FANK1: variants seen among roughly 807,000 people sequenced by gnomAD.
FANK1 encodes the protein fibronectin type 3 and ankyrin repeat domains protein 1.
Under a neutral mutation model 45.3 loss-of-function variants are expected in FANK1, and 44 were observed. That is an observed-to-expected ratio of 0.97 (90% CI 0.76 to 1.25). FANK1 has a LOEUF of 1.25. Among genes scored for constraint, FANK1 ranks in the 50% most tolerant of loss-of-function variants. The pLI is 0.00. For synonymous variants in FANK1, 149 were observed against 152.5 expected (o/e 0.98, Z 0.17); for missense variants, 391 against 424.4 (o/e 0.92, Z 0.69).
intron 3 of FANK1, among the ~76,000 whole-genome samples, chr10:125,991,650 C>T (rs1257193867): frequency 2.6e-5 from 4 of 151,888 alleles, no homozygotes; most frequent in Non-Finnish European, 5.9e-5. Flanking sequence ...TTTTTTTCCC[C>T]CCAGGTAAAG....
At chr10:125,990,898 G>C (rs939967543) in intron 3 of FANK1, among the ~76,000 whole-genome samples, 6 of 152,168 alleles carry the variant, frequency 3.9e-5, no homozygotes, top group African/African-American at 1.4e-4. Context: ...GCAAGAGAGA[G>C]CATGTGCAGG....
At chr10:125,934,862 C>G (rs1947991412) in intron 1 of FANK1, among the ~76,000 whole-genome samples, 1 of 146,310 alleles carries the variant, frequency 6.8e-6, no homozygotes, top group Non-Finnish European at 1.5e-5. Context: ...ACAACAGTGT[C>G]TTGCTAGAAT....
rs541052253 is a variant in FANK1 at position 125,984,902 on chromosome 10, C to T, written c.192-3649C>T. 5.9e-5 allele frequency among the ~76,000 whole-genome samples: 9 copies of T among 152,314 alleles called. No individual in the cohort carries two copies. The South Asian group carries it at 1.0e-3, about 18-fold the overall frequency. ...CAGCTGTCATGTCTAGGTAAAGTTGCGCTTCTCCATGGGTTCAATGAACTG... is the reference window on the plus strand; with the variant it reads ...CAGCTGTCATGTCTAGGTAAAGTTGTGCTTCTCCATGGGTTCAATGAACTG... On this transcript the variant is annotated intron_variant, in intron 2 of 10. Transcript: ENST00000368693.
chr10:126,005,125 C>A, intron 7 of FANK1, 76 bp downstream of exon 7: 1 of 1,505,078 alleles, frequency 6.6e-7, no homozygotes, highest in South Asian at 1.3e-5. Context: ...CTGGCAGAAG[C>A]AGGGCCTTTG....
At chr10:125,963,256 T>C (rs1950030385) in intron 1 of FANK1, among the ~76,000 whole-genome samples, 2 of 152,200 alleles carry the variant, frequency 1.3e-5, no homozygotes, top group African/African-American at 4.8e-5. Flanking sequence ...AGTGTTGGGA[T>C]TACAGGTGTG....
intron 1 of FANK1, among the ~76,000 whole-genome samples, chr10:125,929,974 C>A (rs1041941976): frequency 1.3e-5 from 2 of 152,286 alleles, no homozygotes; most frequent in Admixed American, 1.3e-4. Flanking sequence ...GCCTCCAGAC[C>A]CTATTTTCCT....
intron 1 of FANK1, among the ~76,000 whole-genome samples, chr10:125,933,924 C>T (rs952835027): frequency 6.6e-6 from 1 of 152,064 alleles, no homozygotes; most frequent in Middle Eastern, 3.2e-3. Flanking sequence ...ACTTAACTTC[C>T]GTGTATTTGC....
At chr10:125,967,171 G>C (rs1199538226) in intron 1 of FANK1, among the ~76,000 whole-genome samples, 3 of 152,030 alleles carry the variant, frequency 2.0e-5, no homozygotes, top group Non-Finnish European at 4.4e-5. Flanking sequence ...TTTATTTTTT[G>C]TTGTGATTTA....
At chr10:125,986,089 G>A (rs1207318568) in intron 2 of FANK1, among the ~76,000 whole-genome samples, 1 of 152,186 alleles carries the variant, frequency 6.6e-6, no homozygotes, top group East Asian at 1.9e-4. Context: ...GGAGGAACAT[G>A]TTCCTGCGGG....
intron 7 of FANK1, among the ~76,000 whole-genome samples, chr10:126,005,306 TC>T (rs1462388467): frequency 2.2e-5 from 3 of 134,662 alleles, no homozygotes; most frequent in African/African-American, 8.5e-5. Context: ...CTACTTTCTT[TC>T]TTTTTTTTTT....
chr10:125,988,828 G>T, intron 3 of FANK1, 153 bp downstream of exon 3: 1 of 1,167,254 alleles, frequency 8.6e-7, no homozygotes, highest in Non-Finnish European at 1.3e-6. Context: ...GTTGGGCCTT[G>T]CCATAACTTG....
chr10:125,947,576 T>C (rs887251571), intron 1 of FANK1, among the ~76,000 whole-genome samples: 8 of 151,856 alleles, frequency 5.3e-5, no homozygotes, highest in African/African-American at 1.9e-4. Flanking sequence ...ATCCTAAATA[T>C]ATATGCACCC....
At chr10:125,896,861 C>A (rs954098058) in intron 1 of FANK1, among the ~76,000 whole-genome samples, 28 of 152,322 alleles carry the variant, frequency 1.8e-4, no homozygotes, top group Admixed American at 1.5e-3. Flanking sequence ...GGGCCGCCGG[C>A]GCCCTAGAGT....
chr10:126,007,014 G>A (rs971477970), intron 7 of FANK1: 16 of 152,206 alleles, frequency 1.1e-4, no homozygotes, highest in African/African-American at 1.7e-4. Flanking sequence ...CTTTGCAGAG[G>A]ACAGAACAAT....
At chr10:125,989,208 A>C in intron 3 of FANK1, 8 of 1,362,044 alleles carry the variant, frequency 5.9e-6, no homozygotes, top group Non-Finnish European at 6.0e-6. Context: ...TGAGCCCTTC[A>C]GCCGGCTGAG....
chr10:125,931,513 T>G (rs1366233669), intron 1 of FANK1, among the ~76,000 whole-genome samples: 1 of 152,230 alleles, frequency 6.6e-6, no homozygotes, highest in East Asian at 1.9e-4. Context: ...TTTGTATGTC[T>G]TCTTTTGAGA....
intron 1 of FANK1, among the ~76,000 whole-genome samples, chr10:125,919,474 G>A (rs202230357): frequency 6.6e-6 from 1 of 151,988 alleles, no homozygotes; most frequent in African/African-American, 2.4e-5. Flanking sequence ...TCAAAGTGCT[G>A]GGATTACAGG....
At chr10:125,967,894 G>T (rs1950275132) in intron 1 of FANK1, among the ~76,000 whole-genome samples, 1 of 151,600 alleles carries the variant, frequency 6.6e-6, no homozygotes, top group Non-Finnish European at 1.5e-5. Flanking sequence ...CACAAAGTAG[G>T]AGATCTTACA....
In FANK1 at chr10:125,972,360, A is replaced by G. The variant is rs149719201; in HGVS notation, c.14-7801A>G. On this transcript the variant is annotated intron_variant, in intron 1 of 10. Transcript: ENST00000368693. ...TAGTCACCTGTAAATATACATATTT[A>G]GGATCCTAAAACCAATATCCTAAAA... 3.3e-4 allele frequency: 51 copies of G among 152,322 alleles called. No individual in the cohort carries two copies. In the East Asian group the frequency reaches 9.8e-3, roughly 29 times the overall value. The allele number at this position is 152,322 out of a possible 1,614,324, so 9.4% of individuals were successfully genotyped here.
Sources: allele counts gnomAD v4.1 joint callset (sites outside exome capture counted in the v4.1 genomes callset), GRCh38; gene constraint gnomAD v4.1.1; transcripts MANE v1.5; gene names NCBI Gene and HGNC (gene_info 2026-07-23, HGNC 2026-07-21).